The following DNAH6 variants were observed in gnomAD, a reference collection of about 807,000 sequenced individuals.
DNAH6 encodes the protein dynein axonemal heavy chain 6.
In DNAH6, 340 loss-of-function variants were observed where a neutral mutation model predicts 491.4. The observed-to-expected ratio is 0.69, with a 90% CI of 0.63 to 0.76. DNAH6 has a LOEUF of 0.76. Ranked by LOEUF, DNAH6 falls within the 30% of genes least tolerant of loss-of-function variation. The pLI is 0.00. For missense variants in DNAH6, 4,443 were observed against 4,972.2 expected (o/e 0.89, Z 3.20); for synonymous variants, 1,603 against 1,686.1 (o/e 0.95, Z 1.21).
At chr2:84,734,885 AT>A (rs1017989683) in intron 62 of DNAH6, among the ~76,000 whole-genome samples, 3 of 152,054 alleles carry the variant, frequency 2.0e-5, no homozygotes. Context: ...CCTTAAATAT[AT>A]TTCTTTTTTA....
Position 84,701,228 on chromosome 2 carries a change from G to A in DNAH6, c.7950G>A (p.Glu2650=). ...NVHLSVSSMA[E]RYYNELRRRY... ...ACTTGAGTGTCTCCAGCATGGCAGA[G>A]CGCTATTACAATGAGCTGCGCAGGC... The change falls in exon 49 of 77, where the codon GAG becomes GAA. Residue 2650 remains glutamate, a synonymous_variant. Transcript: ENST00000389394. The A allele has an allele frequency of 1.3e-6, 2 of 1,551,810 alleles. No homozygotes were observed. The highest frequency in any genetic ancestry group is 1.7e-6 in the Non-Finnish European group (2 of 1,147,016).
rs1381093210 is a variant in DNAH6, at chr2:84,611,927, A to T, written c.3475+73A>T. The T allele has an allele frequency of 4.5e-6, 6 of 1,319,348 alleles. No homozygotes were observed. In the East Asian group the frequency reaches 1.3e-4, roughly 28 times the overall value. The allele number at this position is 1,319,348 out of a possible 1,614,324, so 81.7% of individuals were successfully genotyped here. A position where few individuals can be genotyped will look rare whatever the true frequency, so the allele number is the denominator to read the frequency against. On this transcript the variant is annotated intron_variant, in intron 22 of 76. Coordinates refer to ENST00000389394, the MANE Select transcript of DNAH6 (RefSeq NM_001370.2). ...AGTCTGGGACTTTAGTCCCAGACTA[A>T]AATGTTTCTCTGGGAATCTAATAAC...
At position 84,552,920 on chromosome 2, in the gene DNAH6, G is replaced by A. The variant is rs370761967; in HGVS notation, c.1488G>A (p.Gly496=). The stretch of plus-strand genomic sequence containing the variant: ...CACTGTACATATATTCATTTCAGGG[G>A]ACCCTTATGGTGGAAAAGCAAGAAG... The part of the protein sequence containing the change: ...EEKPEVPDKK[G]TLMVEKQEED... Residue 496 remains glycine (G), a splice_region_variant and synonymous_variant, in exon 10 of 77, where the codon GGG becomes GGA. Transcript: ENST00000389394. 1 of 1,594,416 alleles carries A rather than the reference G, an allele frequency of 6.3e-7. No individual in the cohort carries two copies. Among genetic ancestry groups the A allele is most frequent in the Non-Finnish European group, 8.6e-7 (1 of 1,165,182 alleles).
Position 84,727,612 on chromosome 2 carries a change from G to A in DNAH6, c.9973-57G>A, listed in dbSNP as rs915843100. On this transcript the variant is annotated intron_variant, in intron 60 of 76. Coordinates refer to ENST00000389394, the MANE Select transcript of DNAH6 (RefSeq NM_001370.2). ...TGCGAACAAGGGAGACAGATTTTTT[G>A]TTCTCTGCAGAGAATGAATTAAATC... 12 of 1,114,210 alleles carry A rather than the reference G, an allele frequency of 1.1e-5. No individual in the cohort carries two copies. The African/African-American group carries it at 1.7e-4, about 16-fold the overall frequency. 69.0% of individuals were successfully genotyped at this position (1,114,210 alleles called of 1,614,324 possible). A position where few individuals can be genotyped will look rare whatever the true frequency, so the allele number is the denominator to read the frequency against.
intron 63 of DNAH6, among the ~76,000 whole-genome samples, chr2:84,753,920 G>A (rs1573706865): frequency 2.0e-5 from 3 of 151,080 alleles, no homozygotes; most frequent in African/African-American, 4.9e-5. Context: ...CACCTCCCAG[G>A]TTCAAGTGAT....
intron 2 of DNAH6, among the ~76,000 whole-genome samples, chr2:84,518,607 C>T (rs1675821849): frequency 6.6e-6 from 1 of 152,180 alleles, no homozygotes; most frequent in Non-Finnish European, 1.5e-5. Context: ...GACGTATTTG[C>T]CTTCACTTGA....
intron 64 of DNAH6, among the ~76,000 whole-genome samples, chr2:84,775,768 AT>A (rs1163516461): frequency 6.6e-6 from 1 of 152,042 alleles, no homozygotes; most frequent in Non-Finnish European, 1.5e-5. Context: ...AAATTGATCC[AT>A]TTCCTCTAGA....
At chr2:84,750,417 T>C (rs913243699) in intron 63 of DNAH6, among the ~76,000 whole-genome samples, 2 of 152,110 alleles carry the variant, frequency 1.3e-5, no homozygotes, top group African/African-American at 4.8e-5. Flanking sequence ...ACTCCTGAGC[T>C]CAGGGGTTCC....
chr2:84,567,907 A>T, intron 11 of DNAH6, among the ~76,000 whole-genome samples: 1 of 152,026 alleles, frequency 6.6e-6, no homozygotes, highest in Non-Finnish European at 1.5e-5. Context: ...AAGGACATGA[A>T]CACACATTTC....
chr2:84,716,069 C>T (rs1304273969), intron 58 of DNAH6, among the ~76,000 whole-genome samples: 5 of 151,502 alleles, frequency 3.3e-5, no homozygotes, highest in African/African-American at 4.9e-5. Flanking sequence ...TAACTGTCCA[C>T]TTCAAATATA....
Position 84,602,565 on chromosome 2 carries a change from A to C in DNAH6, c.2869-1774A>C, listed in dbSNP as rs1380904. On this transcript the variant is annotated intron_variant, in intron 18 of 76. Coordinates refer to ENST00000389394, the MANE Select transcript of DNAH6 (RefSeq NM_001370.2). ...CTTGATTCTCATCAGTTAGGAGTAG[A>C]GTATGCCTAGGTGTGCATGTGCTAT... is the stretch of plus-strand genomic sequence containing the variant. Among the ~76,000 whole-genome samples the C allele has an allele frequency of 1.8e-3, 228 of 129,880 alleles. 5 individuals carry two copies. In the South Asian group the frequency reaches 0.053, roughly 30 times the overall value. The allele number at this position is 129,880 out of a possible 152,430, so 85.2% of individuals were successfully genotyped here.
At chr2:84,705,993 ATC>A (rs1696389989) in intron 52 of DNAH6, among the ~76,000 whole-genome samples, 1 of 152,202 alleles carries the variant, frequency 6.6e-6, no homozygotes, top group South Asian at 2.1e-4. Flanking sequence ...AAAGGAATTA[ATC>A]TCTTTCTTTA....
chr2:84,482,842 A>G, the DNAH6 span, among the ~76,000 whole-genome samples: 1 of 152,194 alleles, frequency 6.6e-6, no homozygotes, highest in African/African-American at 2.4e-5. Flanking sequence ...TCCTTGGCTT[A>G]CTTTCCTGCC....
chr2:84,475,887 C>G, the DNAH6 span, among the ~76,000 whole-genome samples: 2 of 152,112 alleles, frequency 1.3e-5, no homozygotes, highest in Non-Finnish European at 2.9e-5. Flanking sequence ...TTTCTCATGC[C>G]CATAAGCACA....
At position 84,619,776 on chromosome 2, in the gene DNAH6, G is replaced by A. The variant is rs772466552; in HGVS notation, c.3664G>A (p.Asp1222Asn). The A allele has an allele frequency of 1.2e-5, 18 of 1,551,540 alleles. No individual in the cohort carries two copies. The highest frequency in any genetic ancestry group is 5.9e-5 in the Admixed American group (3 of 50,982). ...AVQPHLRKCF[D>N]SISKLEFALM... is the part of the protein sequence containing the mutation. ...GCAGCCACACTTAAGGAAATGCTTC[G>A]ACTCCATTTCAAAGCTCGAATTTGC... Residue 1222 changes from aspartate (D) to asparagine (N), a missense_variant, in exon 24 of 77, where the codon GAC becomes AAC. This residue lies in a region of DNAH6 where 2,977 missense variants were observed against 3,296.6 expected (regional missense o/e 0.90). Coordinates refer to ENST00000389394, the MANE Select transcript of DNAH6 (RefSeq NM_001370.2).
chr2:84,777,751 A>G, intron 64 of DNAH6: 1 of 885,776 alleles, frequency 1.1e-6, no homozygotes, highest in Non-Finnish European at 1.9e-6. Context: ...ATCGGGCTGA[A>G]TCCAGATTGC....
intron 11 of DNAH6, among the ~76,000 whole-genome samples, chr2:84,571,256 T>C (rs1681832377): frequency 6.6e-6 from 1 of 152,182 alleles, no homozygotes; most frequent in African/African-American, 2.4e-5. Flanking sequence ...TCACCAAGAA[T>C]CTCTGATGTG....
At chr2:84,674,000 C>T (rs1465014714) in intron 40 of DNAH6, among the ~76,000 whole-genome samples, 1 of 152,114 alleles carries the variant, frequency 6.6e-6, no homozygotes, top group Non-Finnish European at 1.5e-5. Flanking sequence ...AAGGGGGAAC[C>T]TAGGTTAACT....
intron 11 of DNAH6, among the ~76,000 whole-genome samples, chr2:84,560,707 G>A (rs954312369): frequency 1.3e-5 from 2 of 152,044 alleles, no homozygotes; most frequent in Admixed American, 1.3e-4. Context: ...AGAACATGTG[G>A]TGTTTGGTTT....
Sources: gnomAD v4.1 joint callset for allele counts (sites outside exome capture counted in the v4.1 genomes callset) on GRCh38, gnomAD v4.1.1 for gene constraint, gnomAD v4.1.1 regional missense constraint, MANE v1.5 for transcripts, NCBI Gene and HGNC (gene_info 2026-07-23, HGNC 2026-07-21) for gene names.